Variants in HMBOX1 observed in about 807,000 individuals in gnomAD.
HMBOX1 encodes the protein homeobox-containing protein 1.
HMBOX1 carries 14 observed loss-of-function variants against 54.5 expected under a neutral mutation model. The observed-to-expected ratio is 0.26, with a 90% CI of 0.17 to 0.40. The LOEUF is 0.40. HMBOX1 is among the 10% of genes least tolerant of loss of function. The pLI is 1.00. For missense variants in HMBOX1, 332 were observed against 514.4 expected (o/e 0.65, Z 3.43); for synonymous variants, 160 against 181.0 (o/e 0.88, Z 0.93).
Position 28,906,920 on chromosome 8 carries a change from C to G in HMBOX1, c.-58+16242C>G, listed in dbSNP as rs547751157. 1.2e-4 allele frequency among the ~76,000 whole-genome samples: 18 copies of G among 152,170 alleles called. No individual in the cohort carries two copies. In the South Asian group the frequency reaches 3.7e-3, roughly 32 times the overall value. ...AAAAAAATGGTTTTTAATGGGTTAT[C>G]AAACTAATAATTCCAAAGTGATCAA... On this transcript the variant is annotated intron_variant, in intron 1 of 9. Transcript: ENST00000287701.
chr8:28,952,463 A>AC (rs1320626626), intron 1 of HMBOX1, among the ~76,000 whole-genome samples: 1 of 152,066 alleles, frequency 6.6e-6, no homozygotes, highest in Non-Finnish European at 1.5e-5. Flanking sequence ...CAAACTCCTG[A>AC]CCTCAAGCCA....
intron 6 of HMBOX1, among the ~76,000 whole-genome samples, chr8:29,039,924 T>A (rs2133288567): frequency 6.6e-6 from 1 of 152,298 alleles, no homozygotes; most frequent in Non-Finnish European, 1.5e-5. Flanking sequence ...ATGACCACCC[T>A]TATGTAAGCC....
intron 6 of HMBOX1, among the ~76,000 whole-genome samples, chr8:29,024,136 C>G (rs749799808): frequency 1.7e-4 from 26 of 152,278 alleles, no homozygotes; most frequent in Non-Finnish European, 3.1e-4. Context: ...TACTCCCTCA[C>G]AAATGTGTGG....
At chr8:28,987,144 T>C (rs533849616) in intron 4 of HMBOX1, among the ~76,000 whole-genome samples, 2 of 152,322 alleles carry the variant, frequency 1.3e-5, no homozygotes, top group African/African-American at 4.8e-5. Flanking sequence ...AAGTAGAAAC[T>C]GTATTTTAAA....
chr8:28,970,573 T>C lies in HMBOX1; in HGVS notation c.500+54T>C, dbSNP rs1205085946. 1.7e-6 allele frequency: 2 copies of C among 1,161,224 alleles called. No homozygotes were observed. Among genetic ancestry groups the C allele is most frequent in the African/African-American group, 3.1e-5 (2 of 65,128 alleles). 71.9% of individuals were successfully genotyped at this position (1,161,224 alleles called of 1,614,324 possible). ...TAAAAATGTCTGTATTCTTAGATTG[T>C]TTTTAAGTAGTATGCTGCGTTTCAG... On this transcript the variant is annotated intron_variant, in intron 3 of 9. Coordinates refer to ENST00000287701, the MANE Select transcript of HMBOX1 (RefSeq NM_001135726.3). This position sits in a 1 kb window ranked among gnomAD's most constrained non-coding sequence, Gnocchi z 4.3.
chr8:29,003,157 A>G (rs1230750603), intron 4 of HMBOX1, among the ~76,000 whole-genome samples: 3 of 151,678 alleles, frequency 2.0e-5, no homozygotes, highest in African/African-American at 4.8e-5. Flanking sequence ...CAGTTAGGTG[A>G]CATTTGTCAC....
intron 1 of HMBOX1, among the ~76,000 whole-genome samples, chr8:28,911,174 A>G (rs765168276): frequency 3.9e-5 from 6 of 152,208 alleles, no homozygotes; most frequent in Non-Finnish European, 8.8e-5. Flanking sequence ...CTAGAAGTAA[A>G]TTTATTAAAT....
At chr8:28,928,156 T>C (rs963530067) in intron 1 of HMBOX1, among the ~76,000 whole-genome samples, 27 of 151,936 alleles carry the variant, frequency 1.8e-4, no homozygotes, top group African/African-American at 5.8e-4. Flanking sequence ...GAACTACTAC[T>C]ACTACCATAA....
intron 6 of HMBOX1, among the ~76,000 whole-genome samples, chr8:29,037,589 A>G (rs1222041174): frequency 2.6e-5 from 4 of 152,210 alleles, no homozygotes. Context: ...ATACATCTAC[A>G]TATCTTTTTA....
chr8:28,964,750 A>T (rs1826164186), intron 2 of HMBOX1, among the ~76,000 whole-genome samples: 1 of 118,444 alleles, frequency 8.4e-6, no homozygotes, highest in Non-Finnish European at 1.6e-5. Context: ...AGATTCTATG[A>T]TATAGTGAAA....
intron 1 of HMBOX1, among the ~76,000 whole-genome samples, chr8:28,947,719 A>AT (rs1822722113): frequency 6.6e-6 from 1 of 152,174 alleles, no homozygotes; most frequent in Non-Finnish European, 1.5e-5. Flanking sequence ...AATATTTCAT[A>AT]TTTTTAATAG....
chr8:28,955,673 T>G (rs1824285770), intron 1 of HMBOX1, among the ~76,000 whole-genome samples: 1 of 152,140 alleles, frequency 6.6e-6, no homozygotes, highest in East Asian at 1.9e-4. Flanking sequence ...AAATTGGGGC[T>G]GGGCACGGTG....
At chr8:28,901,416 C>T (rs1813209189) in intron 1 of HMBOX1, among the ~76,000 whole-genome samples, 1 of 152,046 alleles carries the variant, frequency 6.6e-6, no homozygotes, top group Non-Finnish European at 1.5e-5. Context: ...TTTAAATCTC[C>T]CTTTAGTACT....
chr8:28,937,015 A>G (rs966106313), intron 1 of HMBOX1, among the ~76,000 whole-genome samples: 3 of 152,202 alleles, frequency 2.0e-5, no homozygotes, highest in Non-Finnish European at 2.9e-5. Flanking sequence ...AGTGAAAGAA[A>G]AAAATCAGCT....
intron 4 of HMBOX1, among the ~76,000 whole-genome samples, chr8:28,986,305 A>G (rs559017527): frequency 8.5e-5 from 13 of 152,312 alleles, no homozygotes; most frequent in East Asian, 3.9e-4. Context: ...CAGTTTCTCT[A>G]TTCACCTACT....
At chr8:28,986,015 A>G (rs1830107239) in intron 4 of HMBOX1, among the ~76,000 whole-genome samples, 1 of 152,200 alleles carries the variant, frequency 6.6e-6, no homozygotes. Flanking sequence ...AATGACATGT[A>G]TCCACCATTG....
chr8:28,914,538 G>A (rs937175185), intron 1 of HMBOX1, among the ~76,000 whole-genome samples: 6 of 152,214 alleles, frequency 3.9e-5, no homozygotes, highest in Middle Eastern at 6.8e-3. Flanking sequence ...CTGAACACAC[G>A]CCTTCACTTG....
chr8:29,051,372 C>CCAAT lies in HMBOX1; in HGVS notation c.*220_*221insTCAA, dbSNP rs1806409783. On this transcript the variant is annotated 3_prime_UTR_variant, in exon 10 of 10. Transcript: ENST00000287701. ...CAGTAAATAATAACCAACCAACCAA[C>CCAAT]CAAACTTCCCTCTCCCAGCCCCCGA... 3.1e-6 allele frequency: 2 copies of CCAAT among 637,008 alleles called. No homozygotes were observed. The highest frequency in any genetic ancestry group is 3.6e-5 in the South Asian group (2 of 54,942). The allele number at this position is 637,008 out of a possible 1,614,324, so 39.5% of individuals were successfully genotyped here.
At chr8:28,929,710 G>C (rs1413610611) in intron 1 of HMBOX1, among the ~76,000 whole-genome samples, 1 of 152,118 alleles carries the variant, frequency 6.6e-6, no homozygotes, top group Non-Finnish European at 1.5e-5. Flanking sequence ...ATGAGCTGTT[G>C]AATATGCATG....
Sources: allele counts gnomAD v4.1 joint callset (sites outside exome capture counted in the v4.1 genomes callset), GRCh38; gene constraint gnomAD v4.1.1; non-coding constraint Gnocchi (gnomAD v3.1); transcripts MANE v1.5; gene names NCBI Gene and HGNC (gene_info 2026-07-23, HGNC 2026-07-21).